LMBR1: variants seen among roughly 807,000 people sequenced by gnomAD.
LMBR1 encodes limb region 1 protein homolog.
In LMBR1, 52 loss-of-function variants were observed where a neutral mutation model predicts 73.9. That is an observed-to-expected ratio of 0.70 (90% CI 0.56 to 0.89). The LOEUF is 0.89. LMBR1 is among the 40% of genes least tolerant of loss of function. LMBR1 has a pLI of 0.00. For missense variants in LMBR1, 539 were observed against 579.8 expected (o/e 0.93, Z 0.72); for synonymous variants, 215 against 209.4 (o/e 1.03, Z -0.23).
chr7:156,802,034 G>A (rs965109449), intron 4 of LMBR1, among the ~76,000 whole-genome samples: 1 of 151,912 alleles, frequency 6.6e-6, no homozygotes, highest in South Asian at 2.1e-4. Context: ...CCAGGCTGGA[G>A]TGCAATGGCG....
intron 15 of LMBR1, among the ~76,000 whole-genome samples, chr7:156,709,397 A>G (rs1023074144): frequency 6.6e-6 from 1 of 152,218 alleles, no homozygotes; most frequent in Non-Finnish European, 1.5e-5. Flanking sequence ...CATAACCAGC[A>G]TTTGAGAAAG....
intron 3 of LMBR1, among the ~76,000 whole-genome samples, chr7:156,831,636 AAACCAC>A (rs1340342071): frequency 6.6e-6 from 1 of 152,132 alleles, no homozygotes; most frequent in Non-Finnish European, 1.5e-5. Flanking sequence ...CAGGATACAG[AAACCAC>A]CCGTGACTCG....
intron 4 of LMBR1, among the ~76,000 whole-genome samples, chr7:156,824,354 T>C (rs1490735070): frequency 6.6e-6 from 1 of 152,154 alleles, no homozygotes; most frequent in Non-Finnish European, 1.5e-5. Context: ...TCTTCTATAC[T>C]TTCTCAAACA....
At chr7:156,891,607 G>C (rs1563645349) in intron 1 of LMBR1, among the ~76,000 whole-genome samples, 4 of 152,050 alleles carry the variant, frequency 2.6e-5, no homozygotes, top group Non-Finnish European at 5.9e-5. Context: ...GTAAAATTGT[G>C]TTTATTTATT....
At chr7:156,858,900 A>C (rs985617136) in intron 1 of LMBR1, among the ~76,000 whole-genome samples, 1 of 152,118 alleles carries the variant, frequency 6.6e-6, no homozygotes, top group African/African-American at 2.4e-5. Flanking sequence ...TAAAAAAAAA[A>C]TTCTCAACTT....
At chr7:156,883,449 T>C (rs1586456286) in intron 1 of LMBR1, among the ~76,000 whole-genome samples, 2 of 151,830 alleles carry the variant, frequency 1.3e-5, no homozygotes, top group East Asian at 1.9e-4. Flanking sequence ...TTATCTCAAA[T>C]GTAATTAGAA....
rs1289953347 is a variant in LMBR1, at chr7:156,670,714, G to C, written n.867-1427C>G. On this transcript the variant is annotated intron_variant and non_coding_transcript_variant, in intron 4 of 4. Coordinates refer to the LMBR1 transcript ENST00000430825. This position sits in a 1 kb window ranked among gnomAD's most constrained non-coding sequence, Gnocchi z 4.3. ...GATGGCATCTCCGTGTGTCGGGAGAGACCTAACCGCCAGTCTAGACTCCCA... is the reference window on the plus strand; with the variant it reads ...GATGGCATCTCCGTGTGTCGGGAGACACCTAACCGCCAGTCTAGACTCCCA... Among the ~76,000 whole-genome samples the C allele has an allele frequency of 6.6e-6, 1 of 152,140 alleles. No homozygotes were observed. Among genetic ancestry groups the C allele is most frequent in the Non-Finnish European group, 1.5e-5 (1 of 68,026 alleles).
chr7:156,806,701 T>C (rs1832186498), intron 4 of LMBR1, among the ~76,000 whole-genome samples: 1 of 130,630 alleles, frequency 7.7e-6, no homozygotes, highest in Non-Finnish European at 1.6e-5. Context: ...AACCTCCACC[T>C]CCCAGGTTCA....
chr7:156,758,238 G>A (rs1185783971), intron 8 of LMBR1, among the ~76,000 whole-genome samples: 19 of 152,186 alleles, frequency 1.2e-4, no homozygotes. Flanking sequence ...GTCCTTGGGG[G>A]CCTTGATCCA....
chr7:156,670,345 G>A lies in LMBR1; in HGVS notation n.867-1058C>T, dbSNP rs946500263. On this transcript the variant is annotated intron_variant and non_coding_transcript_variant, in intron 4 of 4. Transcript: ENST00000430825. This position sits in a 1 kb window ranked among gnomAD's most constrained non-coding sequence, Gnocchi z 4.3. Reference sequence around the variant, plus strand: ...TCACTGAGGAGTCAGGTCTGCAAGGGGGGCCCTGCGTTTTGCATCCCCTGG... The same window carrying A: ...TCACTGAGGAGTCAGGTCTGCAAGGAGGGCCCTGCGTTTTGCATCCCCTGG... Among the ~76,000 whole-genome samples the A allele has an allele frequency of 1.3e-5, 2 of 152,202 alleles. No individual in the cohort carries two copies. The highest frequency in any genetic ancestry group is 6.5e-5 in the Admixed American group (1 of 15,282).
At chr7:156,844,162 A>C (rs1586181779) in intron 1 of LMBR1, among the ~76,000 whole-genome samples, 3 of 151,854 alleles carry the variant, frequency 2.0e-5, no homozygotes, top group East Asian at 1.9e-4. Flanking sequence ...CCGTCTCTAC[A>C]AAAAATACAA....
intron 1 of LMBR1, among the ~76,000 whole-genome samples, chr7:156,866,186 G>T (rs949698583): frequency 2.6e-5 from 4 of 152,026 alleles, no homozygotes; most frequent in Non-Finnish European, 5.9e-5. Flanking sequence ...GTCTGATAGG[G>T]GTCTTATGTC....
chr7:156,856,920 T>C (rs1324808857), intron 1 of LMBR1, among the ~76,000 whole-genome samples: 2 of 152,042 alleles, frequency 1.3e-5, no homozygotes, highest in Non-Finnish European at 2.9e-5. Context: ...CCTGCACTAC[T>C]CATGAAGCAA....
At chr7:156,703,396 A>T (rs1057313483) in intron 15 of LMBR1, among the ~76,000 whole-genome samples, 1 of 152,166 alleles carries the variant, frequency 6.6e-6, no homozygotes, top group South Asian at 2.1e-4. Flanking sequence ...GCAGGAGGAG[A>T]GTTGCCTCAG....
At chr7:156,701,003 C>G (rs1333179155) in intron 15 of LMBR1, among the ~76,000 whole-genome samples, 2 of 152,104 alleles carry the variant, frequency 1.3e-5, no homozygotes, top group African/African-American at 4.8e-5. Flanking sequence ...TGCAGGGAAA[C>G]CCCCTTTTTA....
At position 156,775,530 on chromosome 7, in the gene LMBR1, C is replaced by A. The variant is rs923734882; in HGVS notation, c.424-11735G>T. Among the ~76,000 whole-genome samples the A allele has an allele frequency of 9.9e-5, 15 of 152,246 alleles. 1 individual carries two copies. Among genetic ancestry groups the A allele is most frequent in the Admixed American group, 9.2e-4 (14 of 15,282 alleles). On this transcript the variant is annotated intron_variant, in intron 5 of 16. Coordinates refer to ENST00000353442, the MANE Select transcript of LMBR1 (RefSeq NM_022458.4). ...ACTTCCATAGCGTAAGACATTATAT[C>A]TTAAATCATGGTGAATGTTCATAAT...
chr7:156,724,937 G>T (rs1815406323), intron 14 of LMBR1, among the ~76,000 whole-genome samples: 1 of 152,094 alleles, frequency 6.6e-6, no homozygotes, highest in African/African-American at 2.4e-5. Context: ...ACTATATACG[G>T]CAACAGCCTT....
chr7:156,692,449 T>C (rs975095009), intron 15 of LMBR1, among the ~76,000 whole-genome samples: 2 of 152,250 alleles, frequency 1.3e-5, no homozygotes, highest in Non-Finnish European at 2.9e-5. Context: ...GATATACTTA[T>C]TGACTTCAGG....
chr7:156,837,514 C>T (rs1411525609), intron 1 of LMBR1, among the ~76,000 whole-genome samples: 4 of 150,874 alleles, frequency 2.7e-5, no homozygotes, highest in Non-Finnish European at 5.9e-5. Flanking sequence ...CCACTGACAA[C>T]TCTGAAAAAT....
Sources: gnomAD v4.1 joint callset for allele counts (sites outside exome capture counted in the v4.1 genomes callset) on GRCh38, gnomAD v4.1.1 for gene constraint, Gnocchi (gnomAD v3.1) non-coding constraint, MANE v1.5 for transcripts, NCBI Gene and HGNC (gene_info 2026-07-23, HGNC 2026-07-21) for gene names.